CHID1: variants seen among roughly 807,000 people sequenced by gnomAD.
CHID1 encodes chitinase domain containing 1, also known as chitinase domain-containing protein 1.
A neutral mutation model predicts 55.4 loss-of-function variants in CHID1; 44 were observed. The observed-to-expected ratio is 0.79, with a 90% CI of 0.62 to 1.02. The LOEUF (loss-of-function observed/expected upper bound fraction) is 1.02, where lower values mean the gene tolerates loss of function less well. Among genes scored for constraint, CHID1 ranks in the 50% least tolerant of loss-of-function variants. The pLI is 0.00. For missense variants in CHID1, 491 were observed against 515.3 expected, an observed-to-expected ratio of 0.95 and a Z score of 0.46; for synonymous variants, 216 against 212.9, an observed-to-expected ratio of 1.01 and a Z score of -0.13.
intron 11 of CHID1, 75 bp from the exon 12 acceptor site, chr11:870,238 G>A (rs773026411): frequency 1.0e-5 from 16 of 1,585,736 alleles, no homozygotes; most frequent in Middle Eastern, 1.7e-4. Flanking sequence ...CAAGGTCCAC[G>A]GCCTGTACTC....
chr11:895,508 C>A (rs888277275), intron 7 of CHID1, among the ~76,000 whole-genome samples: 1 of 152,172 alleles, frequency 6.6e-6, no homozygotes, highest in East Asian at 1.9e-4. Flanking sequence ...ACGACAGACC[C>A]CCTCATACTG....
At chr11:899,471 C>A in intron 6 of CHID1, 70 bp from the exon 7 acceptor site, 1 of 1,424,730 alleles carries the variant, frequency 7.0e-7, no homozygotes, top group East Asian at 2.5e-5. Context: ...ACAAGAAGCC[C>A]GCCACCTCGG....
intron 10 of CHID1, among the ~76,000 whole-genome samples, chr11:879,257 T>C (rs527432829): frequency 8.3e-4 from 126 of 152,222 alleles, no homozygotes; most frequent in Admixed American, 3.9e-3. Flanking sequence ...TTTTCTTTTG[T>C]AGAGTTAGGG....
At chr11:902,381 C>A in intron 3 of CHID1, 51 bp from the exon 4 acceptor site, 1 of 1,590,492 alleles carries the variant, frequency 6.3e-7, no homozygotes, top group South Asian at 1.1e-5. Context: ...GAGCACCTGT[C>A]TCACCATGGT....
At chr11:878,622 G>A (rs1174536652) in intron 10 of CHID1, among the ~76,000 whole-genome samples, 1 of 151,902 alleles carries the variant, frequency 6.6e-6, no homozygotes, top group Non-Finnish European at 1.5e-5. Flanking sequence ...TCTGTTATAA[G>A]CAACAGAAAA....
upstream of CHID1, chr11:914,672 G>C: frequency 1.5e-6 from 1 of 668,268 alleles, no homozygotes; most frequent in Non-Finnish European, 2.3e-6. Context: ...GCAGTGAGCT[G>C]TGATTGCACT....
At chr11:906,241 CT>C (rs932290374) in intron 1 of CHID1, among the ~76,000 whole-genome samples, 425 of 134,804 alleles carry the variant, frequency 3.2e-3, no homozygotes, top group Middle Eastern at 4.1e-3. Flanking sequence ...GGCTGTGGGA[CT>C]TTTTTTTTTT....
chr11:893,862 T>A (rs1224601353), intron 7 of CHID1, among the ~76,000 whole-genome samples: 1 of 148,472 alleles, frequency 6.7e-6, no homozygotes, highest in Non-Finnish European at 1.5e-5. Flanking sequence ...CTGGGCACGG[T>A]GGCTCACGCC....
At chr11:891,904 G>A (rs1850853146) in intron 8 of CHID1, among the ~76,000 whole-genome samples, 1 of 132,116 alleles carries the variant, frequency 7.6e-6, no homozygotes, top group African/African-American at 3.0e-5. Flanking sequence ...AGGAGTTCAA[G>A]ACCAGCCTGG....
chr11:901,190 C>G (rs1029470663), intron 4 of CHID1, among the ~76,000 whole-genome samples: 2 of 152,096 alleles, frequency 1.3e-5, no homozygotes, highest in African/African-American at 4.8e-5. Context: ...CTGGCCAAGG[C>G]CCCCTTCCTG....
At chr11:884,621 G>A (rs1589843749) in intron 8 of CHID1, among the ~76,000 whole-genome samples, 1 of 152,336 alleles carries the variant, frequency 6.6e-6, no homozygotes, top group East Asian at 1.9e-4. Flanking sequence ...CAGCCCTCAA[G>A]CCCACTCAGG....
intron 5 of CHID1, among the ~76,000 whole-genome samples, chr11:900,631 T>G (rs545032721): frequency 5.0e-4 from 76 of 152,146 alleles, no homozygotes; most frequent in African/African-American, 1.8e-3. Flanking sequence ...CCAGCTGCCC[T>G]GATAGGACTC....
rs978619909 is a variant in CHID1, at chr11:868,114, T to G, written c.*1744A>C. 6.6e-6 allele frequency: 1 copy of G among 151,694 alleles called. No individual in the cohort carries two copies. The highest frequency in any genetic ancestry group is 2.1e-4 in the South Asian group (1 of 4,798). 9.4% of individuals were successfully genotyped at this position (151,694 alleles called of 1,614,324 possible). On this transcript the variant is annotated 3_prime_UTR_variant, in exon 13 of 13. Transcript: ENST00000323578. ...CCCCTGCCTCCACCCAATGCTGATC[T>G]GGCAATGCCTAGCTCCAGGCCCACA...
rs1415962643 is a variant in CHID1 at position 870,507 on chromosome 11, G to A, written c.960-8C>T. On this transcript the variant is annotated splice_polypyrimidine_tract_variant and splice_region_variant and intron_variant, in intron 10 of 12. Coordinates refer to ENST00000323578, the MANE Select transcript of CHID1 (RefSeq NM_023947.4). ...TTCAGTGTCTGGATGTACCTGGGGA[G>A]ACCAGGATATGGATTTGGGAGCCCA... 1 of 1,600,974 alleles carries A rather than the reference G, an allele frequency of 6.2e-7. No individual in the cohort carries two copies. The highest frequency in any genetic ancestry group is 8.5e-7 in the Non-Finnish European group (1 of 1,172,066).
chr11:899,929 C>G, intron 6 of CHID1, 75 bp downstream of exon 6: 1 of 1,076,368 alleles, frequency 9.3e-7, no homozygotes, highest in South Asian at 1.3e-5. Context: ...GGAGGCCTCG[C>G]GGGAGGCCCA....
At chr11:882,164 A>C (rs903333221) in intron 10 of CHID1, among the ~76,000 whole-genome samples, 7 of 152,060 alleles carry the variant, frequency 4.6e-5, no homozygotes, top group Non-Finnish European at 1.0e-4. Context: ...ATCTCTACTA[A>C]AGATACAAAA....
At position 869,878 on chromosome 11, in the gene CHID1, A is replaced by C. The variant is rs1303411346; in HGVS notation, c.1162T>G (p.Tyr388Asp). The change falls in exon 13 of 13, where the codon TAC becomes GAC. Residue 388 changes from tyrosine to aspartate, a missense_variant. Physicochemically the swap from Tyr to Asp is radical, Grantham distance 160 (BLOSUM62 -3). Transcript: ENST00000323578. ...CCCACCTAGAGCAGGTCGTAGAAGTAGTCCAGGCCCTGGCCCAGCTCCCAG... is the reference window on the plus strand; with the variant it reads ...CCCACCTAGAGCAGGTCGTAGAAGTCGTCCAGGCCCTGGCCCAGCTCCCAG... ...SIWELGQGLD[Y>D]FYDLL 1 of 1,613,100 alleles carries C rather than the reference A, an allele frequency of 6.2e-7. No individual in the cohort carries two copies. The highest frequency in any genetic ancestry group is 1.7e-5 in the Admixed American group (1 of 60,022).
intron 8 of CHID1, among the ~76,000 whole-genome samples, chr11:887,933 A>G (rs1850517104): frequency 6.6e-6 from 1 of 152,078 alleles, no homozygotes; most frequent in African/African-American, 2.4e-5. Flanking sequence ...TCTGGTTCCC[A>G]CCAGCTACAG....
intron 8 of CHID1, among the ~76,000 whole-genome samples, chr11:889,653 C>T (rs1008045927): frequency 3.6e-4 from 55 of 152,272 alleles, no homozygotes; most frequent in African/African-American, 1.0e-3. Flanking sequence ...CCAGCCACAC[C>T]GCCTGGCCCT....
Sources: gnomAD v4.1 joint callset for allele counts (sites outside exome capture counted in the v4.1 genomes callset) on GRCh38, gnomAD v4.1.1 for gene constraint, MANE v1.5 for transcripts, NCBI Gene and HGNC (gene_info 2026-07-23, HGNC 2026-07-21) for gene names.